The following ELF1 variants were observed in gnomAD, a reference collection of about 807,000 sequenced individuals.
The protein encoded by ELF1 is ETS-related transcription factor Elf-1.
ELF1 carries 24 observed loss-of-function variants against 59.9 expected under a neutral mutation model. The observed-to-expected ratio is 0.40, with a 90% CI of 0.29 to 0.56. The LOEUF is 0.56. Among genes scored for constraint, ELF1 ranks in the 20% least tolerant of loss-of-function variants. ELF1 has a pLI of 0.44. For synonymous variants in ELF1, 248 were observed against 266.2 expected, an observed-to-expected ratio of 0.93 and a Z score of 0.67; for missense variants, 627 against 742.2, an observed-to-expected ratio of 0.84 and a Z score of 1.80.
At chr13:41,049,467 G>T (rs1470460048) in intron 1 of ELF1, among the ~76,000 whole-genome samples, 3 of 151,926 alleles carry the variant, frequency 2.0e-5, no homozygotes, top group Admixed American at 1.3e-4. Flanking sequence ...ATCAATATCT[G>T]CCCACTCTGC....
At chr13:41,003,870 T>C (rs1443972571) in intron 1 of ELF1, among the ~76,000 whole-genome samples, 1 of 152,152 alleles carries the variant, frequency 6.6e-6, no homozygotes, top group Non-Finnish European at 1.5e-5. Flanking sequence ...CTAAGATATC[T>C]CATTTCCATA....
At chr13:40,954,078 C>G (rs1183613257) in intron 3 of ELF1, among the ~76,000 whole-genome samples, 1 of 152,180 alleles carries the variant, frequency 6.6e-6, no homozygotes, top group Non-Finnish European at 1.5e-5. Flanking sequence ...GGTGTTTATT[C>G]TGTTACACAT....
At chr13:40,949,630 C>T (rs1253928195) in intron 5 of ELF1, among the ~76,000 whole-genome samples, 176 bp downstream of exon 5, 1 of 152,196 alleles carries the variant, frequency 6.6e-6, no homozygotes, top group African/African-American at 2.4e-5. Context: ...GCTGGGATTA[C>T]AGGCATGAAT....
In ELF1 at chr13:40,995,729, G is replaced by A. The variant is rs561882016; in HGVS notation, c.-228-13447C>T. On this transcript the variant is annotated intron_variant, in intron 1 of 8. Transcript: ENST00000239882. ...CCCAGATATTAACTCAAAATGGATC[G>A]CAAACCTAAATGGAAAATAGGAAAC... Among the ~76,000 whole-genome samples the A allele has an allele frequency of 3.4e-5, 5 of 148,878 alleles. No individual in the cohort carries two copies. In the South Asian group the frequency reaches 6.4e-4, roughly 19 times the overall value.
intron 1 of ELF1, among the ~76,000 whole-genome samples, chr13:41,043,619 T>A (rs978043213): frequency 1.2e-4 from 19 of 152,168 alleles, no homozygotes; most frequent in African/African-American, 4.6e-4. Flanking sequence ...GTTGTAGATG[T>A]GTGGTGTTAT....
intron 1 of ELF1, among the ~76,000 whole-genome samples, chr13:41,038,648 A>G (rs777021144): frequency 6.6e-5 from 10 of 152,260 alleles, no homozygotes; most frequent in African/African-American, 9.6e-5. Context: ...CCTATATCAC[A>G]TTATTCCAAT....
intron 6 of ELF1, 124 bp from the exon 7 acceptor site, chr13:40,943,268 G>C (rs1870298985): frequency 1.2e-6 from 1 of 837,424 alleles, no homozygotes; most frequent in East Asian, 2.8e-5. Context: ...AATTCAGTTA[G>C]TATTGGTGAC....
chr13:41,059,873 A>G (rs541285416), intron 1 of ELF1, among the ~76,000 whole-genome samples: 2 of 151,960 alleles, frequency 1.3e-5, no homozygotes, highest in Admixed American at 1.3e-4. Context: ...GTTTTAATCA[A>G]TTTTTTTCTT....
chr13:41,006,932 A>G (rs1192901603), intron 1 of ELF1, among the ~76,000 whole-genome samples: 5 of 152,164 alleles, frequency 3.3e-5, no homozygotes, highest in Admixed American at 1.3e-4. Context: ...TTCTTCCAGC[A>G]TACTTTACCC....
intron 1 of ELF1, among the ~76,000 whole-genome samples, chr13:40,992,025 G>A (rs1873881319): frequency 2.0e-5 from 3 of 152,012 alleles, no homozygotes; most frequent in Admixed American, 2.0e-4. Context: ...AAAAAATAGG[G>A]GAAAGTGCAT....
At chr13:41,048,567 C>A (rs1180631615) in intron 1 of ELF1, among the ~76,000 whole-genome samples, 2 of 152,050 alleles carry the variant, frequency 1.3e-5, no homozygotes, top group Non-Finnish European at 2.9e-5. Flanking sequence ...GGGCACACCA[C>A]CAAGCCCAGC....
At chr13:41,041,660 G>T (rs1001786837) in intron 1 of ELF1, among the ~76,000 whole-genome samples, 6 of 151,554 alleles carry the variant, frequency 4.0e-5, no homozygotes, top group African/African-American at 1.5e-4. Flanking sequence ...GAGCAACAGA[G>T]TGAGACCCTT....
intron 2 of ELF1, among the ~76,000 whole-genome samples, chr13:40,977,899 A>C (rs1050634251): frequency 1.3e-5 from 2 of 152,228 alleles, no homozygotes; most frequent in African/African-American, 4.8e-5. Context: ...AAGCCTGTAC[A>C]CATGGTAATT....
chr13:40,989,572 ATTCT>A (rs1368286340), intron 1 of ELF1, among the ~76,000 whole-genome samples: 3 of 152,062 alleles, frequency 2.0e-5, no homozygotes, highest in East Asian at 1.9e-4. Context: ...TTATTGTTGA[ATTCT>A]TTATTAATTC....
chr13:40,943,418 G>A (rs1314640608), intron 6 of ELF1, among the ~76,000 whole-genome samples: 2 of 152,178 alleles, frequency 1.3e-5, no homozygotes, highest in Admixed American at 1.3e-4. Context: ...AGTACTTTGA[G>A]ATAATTTTTT....
intron 2 of ELF1, among the ~76,000 whole-genome samples, chr13:40,968,983 G>C (rs779854261): frequency 7.9e-5 from 12 of 152,092 alleles, no homozygotes; most frequent in Non-Finnish European, 5.9e-5. Flanking sequence ...GCCTCCCAAA[G>C]TGCTGGGATT....
At chr13:41,046,896 A>C (rs1383418886) in intron 1 of ELF1, among the ~76,000 whole-genome samples, 1 of 152,060 alleles carries the variant, frequency 6.6e-6, no homozygotes, top group Non-Finnish European at 1.5e-5. Flanking sequence ...ACTTGGTTCC[A>C]TTCTCCCCGT....
chr13:40,942,740 T>C (rs1405222473), intron 7 of ELF1, among the ~76,000 whole-genome samples: 1 of 152,138 alleles, frequency 6.6e-6, no homozygotes, highest in African/African-American at 2.4e-5. Context: ...CAGGCTGGTC[T>C]TAAACTCCTG....
chr13:41,047,927 C>A (rs1268887987), intron 1 of ELF1, among the ~76,000 whole-genome samples: 3 of 152,238 alleles, frequency 2.0e-5, no homozygotes, highest in Non-Finnish European at 4.4e-5. Context: ...GGGCTCCACC[C>A]AGTTCGAGCT....
Sources: allele counts gnomAD v4.1 joint callset (sites outside exome capture counted in the v4.1 genomes callset), GRCh38; gene constraint gnomAD v4.1.1; transcripts MANE v1.5; gene names NCBI Gene and HGNC (gene_info 2026-07-23, HGNC 2026-07-21).